The following AXDND1 variants were observed in gnomAD, a reference collection of about 807,000 sequenced individuals.
The protein encoded by AXDND1 is axonemal dynein light chain domain-containing protein 1.
A neutral mutation model predicts 137.5 loss-of-function variants in AXDND1; 110 were observed. That is an observed-to-expected ratio of 0.80 (90% CI 0.69 to 0.94). The LOEUF (loss-of-function observed/expected upper bound fraction) is 0.94, where lower values mean the gene tolerates loss of function less well. Ranked by LOEUF, AXDND1 falls within the 40% of genes least tolerant of loss-of-function variation. AXDND1 has a pLI of 0.00. For synonymous variants in AXDND1, 414 were observed against 399.7 expected (o/e 1.04, Z -0.43); for missense variants, 1,191 against 1,169.8 (o/e 1.02, Z -0.26).
At chr1:179,370,914 G>C (rs1226181557) in intron 4 of AXDND1, among the ~76,000 whole-genome samples, 2 of 152,168 alleles carry the variant, frequency 1.3e-5, no homozygotes, top group African/African-American at 4.8e-5. Context: ...ACTATAATGT[G>C]CTATTTAAGT....
chr1:179,506,884 A>C, intron 20 of AXDND1: 1 of 985,428 alleles, frequency 1.0e-6, no homozygotes, highest in Non-Finnish European at 1.2e-6. Context: ...CTATGACTGA[A>C]GATGGTGGTA....
intron 11 of AXDND1, among the ~76,000 whole-genome samples, chr1:179,405,542 T>C (rs1167914579): frequency 1.3e-5 from 2 of 152,162 alleles, no homozygotes; most frequent in African/African-American, 4.8e-5. Flanking sequence ...TTGGGAGACT[T>C]TTAATTACTG....
chr1:179,523,717 T>C (rs2125681428), intron 21 of AXDND1, among the ~76,000 whole-genome samples: 1 of 152,288 alleles, frequency 6.6e-6, no homozygotes, highest in East Asian at 1.9e-4. Flanking sequence ...ATCATTCCTT[T>C]TTTTTTCCCA....
chr1:179,396,581 G>A (rs1651104567), intron 11 of AXDND1, among the ~76,000 whole-genome samples: 1 of 151,836 alleles, frequency 6.6e-6, no homozygotes, highest in South Asian at 2.1e-4. Context: ...CCAGGAGGCG[G>A]AGGTTGCAGT....
intron 21 of AXDND1, among the ~76,000 whole-genome samples, chr1:179,521,280 AC>A (rs1670037556): frequency 6.6e-6 from 1 of 152,068 alleles, no homozygotes; most frequent in Admixed American, 6.6e-5. Flanking sequence ...CTGTGACTTT[AC>A]TAAATTCTCT....
chr1:179,448,152 G>T, intron 16 of AXDND1: 1 of 954,742 alleles, frequency 1.0e-6, no homozygotes, highest in Non-Finnish European at 1.7e-6. Context: ...TGAAGTATCA[G>T]GGTCTGAGCT....
chr1:179,463,691 C>A (rs142988880), intron 16 of AXDND1, among the ~76,000 whole-genome samples: 2 of 152,012 alleles, frequency 1.3e-5, no homozygotes, highest in Admixed American at 6.5e-5. Context: ...TTTCTGTCTC[C>A]TTGATCTGTC....
chr1:179,518,004 A>G (rs924234216), intron 21 of AXDND1, among the ~76,000 whole-genome samples: 1 of 152,226 alleles, frequency 6.6e-6, no homozygotes. Context: ...TCTGATGATG[A>G]GTCTTAATAT....
intron 15 of AXDND1, among the ~76,000 whole-genome samples, chr1:179,444,756 A>T (rs1482374137): frequency 6.6e-6 from 1 of 151,632 alleles, no homozygotes; most frequent in Non-Finnish European, 1.5e-5. Flanking sequence ...ATCCTGGTAA[A>T]CTATGGGTTA....
In AXDND1 at chr1:179,418,410, C is replaced by T. The variant is rs111987712; in HGVS notation, c.1230+7144C>T. Among the ~76,000 whole-genome samples the T allele has an allele frequency of 3.8e-3, 583 of 152,372 alleles. 4 individuals are homozygous for T. The highest frequency in any genetic ancestry group is 0.013 in the African/African-American group (547 of 41,588). On this transcript the variant is annotated intron_variant, in intron 12 of 25. Coordinates refer to ENST00000367618, the MANE Select transcript of AXDND1 (RefSeq NM_144696.6). ...ACTTCTTTCTACACAGACACGGCAA[C>T]CATCCGATTTCTCAATCTTTTCCCC... is the stretch of plus-strand genomic sequence containing the variant.
intron 25 of AXDND1, 54 bp downstream of exon 25, chr1:179,535,016 T>C: frequency 6.2e-7 from 1 of 1,604,838 alleles, no homozygotes; most frequent in Non-Finnish European, 8.5e-7. Context: ...GAAAGAAAAT[T>C]TGACTGGGCC....
chr1:179,373,955 A>G (rs1668310124), intron 4 of AXDND1, among the ~76,000 whole-genome samples: 1 of 152,254 alleles, frequency 6.6e-6, no homozygotes, highest in South Asian at 2.1e-4. Context: ...AGCAATGGTA[A>G]CAAAAACCAA....
At chr1:179,374,889 G>T (rs891497135) in intron 4 of AXDND1, among the ~76,000 whole-genome samples, 4 of 151,384 alleles carry the variant, frequency 2.6e-5, no homozygotes, top group Non-Finnish European at 5.9e-5. Flanking sequence ...ATGAGTTAAT[G>T]GGGGGTGCAG....
At chr1:179,488,639 CTT>C (rs748125525) in intron 18 of AXDND1, among the ~76,000 whole-genome samples, 1,331 of 50,334 alleles carry the variant, frequency 0.026, 79 homozygotes, top group Middle Eastern at 0.066. Context: ...TCTCTCCTTT[CTT>C]TCTTTCTTTC....
chr1:179,504,636 G>A (rs549789122), intron 20 of AXDND1, among the ~76,000 whole-genome samples: 14 of 152,292 alleles, frequency 9.2e-5, no homozygotes, highest in Non-Finnish European at 1.9e-4. Context: ...AGGAGATTTT[G>A]TGGAAGCCTT....
chr1:179,367,972 T>G (rs967414759), intron 2 of AXDND1, among the ~76,000 whole-genome samples: 2 of 123,202 alleles, frequency 1.6e-5, no homozygotes, highest in Admixed American at 7.5e-5. Context: ...CCCACCCAAC[T>G]TTTTTTTTTT....
At position 179,534,970 on chromosome 1, in the gene AXDND1, T is replaced by A; in HGVS notation, c.3031+8T>A. The stretch of plus-strand genomic sequence containing the variant: ...CAAAATCTCCAAAGAAAGGTAAGGA[T>A]TGCTTCGTATTTTGCTTTATTCAGG... On this transcript the variant is annotated splice_region_variant and intron_variant, in intron 25 of 25. Transcript: ENST00000367618. 6.2e-7 allele frequency: 1 copy of A among 1,606,410 alleles called. No homozygotes were observed. The highest frequency in any genetic ancestry group is 8.5e-7 in the Non-Finnish European group (1 of 1,178,076).
At position 179,445,294 on chromosome 1, in the gene AXDND1, TAATA is replaced by T. The variant is rs1659577955; in HGVS notation, c.1798+94_1798+97del. 4.1e-6 allele frequency: 4 copies of T among 986,844 alleles called. No individual in the cohort carries two copies. In the African/African-American group the frequency reaches 6.6e-5, roughly 16 times the overall value. The allele number at this position is 986,844 out of a possible 1,614,324, so 61.1% of individuals were successfully genotyped here. A position where few individuals can be genotyped will look rare whatever the true frequency, so the allele number is the denominator to read the frequency against. ...ATACAATGAATATTTAAAATAAAAG[TAATA>T]AATCCATATAGTTTTAAAAACCAAG... On this transcript the variant is annotated intron_variant, in intron 16 of 25. Transcript: ENST00000367618.
chr1:179,544,694 AAG>A (rs1375449019), intron 25 of AXDND1: 1 of 151,312 alleles, frequency 6.6e-6, no homozygotes, highest in Non-Finnish European at 1.5e-5. Flanking sequence ...AAAAAAGAAA[AAG>A]AAAAAAAGAG....
Sources: allele counts gnomAD v4.1 joint callset (sites outside exome capture counted in the v4.1 genomes callset), GRCh38; gene constraint gnomAD v4.1.1; transcripts MANE v1.5; gene names NCBI Gene and HGNC (gene_info 2026-07-23, HGNC 2026-07-21).